Variants in YEATS4 observed in about 807,000 individuals in gnomAD.
YEATS4 encodes YEATS domain-containing protein 4.
YEATS4 carries 17 observed loss-of-function variants against 30.1 expected under a neutral mutation model. The observed-to-expected ratio is 0.56, with a 90% confidence interval of 0.39 to 0.85. YEATS4 has a LOEUF of 0.85. Ranked by LOEUF, YEATS4 falls within the 40% of genes least tolerant of loss-of-function variation. The probability of loss-of-function intolerance (pLI) is 0.00; values close to 1 mark genes in which losing one functional copy is unlikely to be tolerated. For missense variants in YEATS4, 142 were observed against 268.3 expected, an observed-to-expected ratio of 0.53 and a Z score of 3.29; for synonymous variants, 85 against 87.5, an observed-to-expected ratio of 0.97 and a Z score of 0.16.
rs569697049 is a variant in YEATS4 at position 69,375,232 on chromosome 12, G to A, written c.514+4257G>A. Among the ~76,000 whole-genome samples, 15 of 151,764 alleles carry A rather than the reference G, an allele frequency of 9.9e-5. No individual in the cohort carries two copies. The East Asian group carries it at 1.6e-3, about 16-fold the overall frequency. On this transcript the variant is annotated intron_variant, in intron 6 of 6. Transcript: ENST00000247843. ...CTCCTCACCTCCCAGACGGGGTGGC[G>A]GCGGGGCAGAGACACTCCTCAGTTT...
rs970034480 is a variant in YEATS4 at position 69,362,729 on chromosome 12, T to C, written c.52-59T>C. On this transcript the variant is annotated intron_variant, in intron 1 of 6. Coordinates refer to ENST00000247843, the MANE Select transcript of YEATS4 (RefSeq NM_006530.4). Reference sequence around the variant, plus strand: ...TTAAAGCAAGTTTTCAGAGCTCTTATTCTGCATATTTAGCTAATGGTACAA... The same window carrying C: ...TTAAAGCAAGTTTTCAGAGCTCTTACTCTGCATATTTAGCTAATGGTACAA... The C allele has an allele frequency of 4.4e-6, 6 of 1,362,194 alleles. No homozygotes were observed. The African/African-American group carries it at 5.9e-5, about 13-fold the overall frequency. 84.4% of individuals were successfully genotyped at this position (1,362,194 alleles called of 1,614,324 possible). A position where few individuals can be genotyped will look rare whatever the true frequency, so the allele number is the denominator to read the frequency against.
intron 6 of YEATS4, among the ~76,000 whole-genome samples, chr12:69,384,084 TTAGG>T (rs1312383052): frequency 6.6e-6 from 1 of 152,232 alleles, no homozygotes; most frequent in East Asian, 1.9e-4. Context: ...ATTTTGTGAC[TTAGG>T]TAGTCATTGA....
chr12:69,361,775 G>A (rs910635395), intron 1 of YEATS4, among the ~76,000 whole-genome samples: 3 of 152,034 alleles, frequency 2.0e-5, no homozygotes, highest in Non-Finnish European at 2.9e-5. Flanking sequence ...CTGTCAATAC[G>A]CACTGCCTTT....
chr12:69,403,903 CTCTT>C, the YEATS4 span, among the ~76,000 whole-genome samples: 1 of 152,026 alleles, frequency 6.6e-6, no homozygotes, highest in African/African-American at 2.4e-5. Flanking sequence ...AAATTCCTTT[CTCTT>C]TCTTCTCTCT....
chr12:69,400,575 T>C, the YEATS4 span, among the ~76,000 whole-genome samples: 2 of 151,814 alleles, frequency 1.3e-5, no homozygotes, highest in Non-Finnish European at 2.9e-5. Flanking sequence ...TGGCCAGGCA[T>C]GGTGGCTTAC....
At chr12:69,362,725 CTTA>C in intron 1 of YEATS4, 60 bp from the exon 2 acceptor site, 1 of 1,311,726 alleles carries the variant, frequency 7.6e-7, no homozygotes, top group South Asian at 1.7e-5. Flanking sequence ...TTTCAGAGCT[CTTA>C]TTCTGCATAT....
chr12:69,385,256 A>G (rs1876227768), intron 6 of YEATS4, among the ~76,000 whole-genome samples: 1 of 151,254 alleles, frequency 6.6e-6, no homozygotes, highest in Admixed American at 6.6e-5. Flanking sequence ...ATGAATCACC[A>G]TGCCAGCCAG....
downstream of YEATS4, among the ~76,000 whole-genome samples, chr12:69,391,390 A>G (rs187241243): frequency 6.6e-6 from 1 of 152,186 alleles, no homozygotes; most frequent in East Asian, 1.9e-4. Flanking sequence ...TCTCCTCTTT[A>G]GCCTCTTCTG....
chr12:69,403,790 C>T, the YEATS4 span, among the ~76,000 whole-genome samples: 42 of 152,280 alleles, frequency 2.8e-4, no homozygotes, highest in African/African-American at 8.7e-4. Flanking sequence ...CCCAAATTAT[C>T]AGACATCTTC....
At chr12:69,419,014 CAT>C in the YEATS4 span, among the ~76,000 whole-genome samples, 18,450 of 143,254 alleles carry the variant, frequency 0.13, 1,204 homozygotes, top group East Asian at 0.19. Flanking sequence ...TAATTTAAGC[CAT>C]ATATATATAT....
the YEATS4 span, among the ~76,000 whole-genome samples, chr12:69,407,258 A>G: frequency 2.6e-5 from 4 of 151,960 alleles, no homozygotes; most frequent in African/African-American, 9.7e-5. Context: ...TTATCATCAG[A>G]CAGACCTACT....
the YEATS4 span, among the ~76,000 whole-genome samples, chr12:69,416,152 C>T: frequency 6.6e-6 from 1 of 152,140 alleles, no homozygotes; most frequent in Non-Finnish European, 1.5e-5. Flanking sequence ...AACTTCAGTT[C>T]CCTGTGTGTG....
the YEATS4 span, among the ~76,000 whole-genome samples, chr12:69,407,895 T>C: frequency 6.6e-6 from 1 of 152,122 alleles, no homozygotes; most frequent in South Asian, 2.1e-4. Flanking sequence ...TTTGTATTTT[T>C]AGTAGAGACA....
the YEATS4 span, among the ~76,000 whole-genome samples, chr12:69,425,149 C>T: frequency 1.1e-4 from 16 of 152,102 alleles, no homozygotes; most frequent in East Asian, 1.9e-4. Flanking sequence ...TCTCAAACTC[C>T]CAACCTCAGG....
At chr12:69,402,278 A>G in the YEATS4 span, among the ~76,000 whole-genome samples, 2 of 152,178 alleles carry the variant, frequency 1.3e-5, no homozygotes, top group African/African-American at 2.4e-5. Context: ...AAATAAATAC[A>G]TAGCTCACTA....
chr12:69,370,985 A>G lies in YEATS4; in HGVS notation c.514+10A>G, dbSNP rs1875617139. On this transcript the variant is annotated intron_variant, in intron 6 of 6. Transcript: ENST00000247843. Reference sequence around the variant, plus strand: ...AAGCATGAAACAGAATGTAAGTGCCATGCATTCATAATTCTGAAAAATAAC... The same window carrying G: ...AAGCATGAAACAGAATGTAAGTGCCGTGCATTCATAATTCTGAAAAATAAC... The G allele has an allele frequency of 1.9e-6, 3 of 1,602,168 alleles. No homozygotes were observed. The highest frequency in any genetic ancestry group is 1.7e-6 in the Non-Finnish European group (2 of 1,174,820).
intron 6 of YEATS4, among the ~76,000 whole-genome samples, chr12:69,388,561 T>C (rs1592861453): frequency 6.6e-6 from 1 of 152,332 alleles, no homozygotes; most frequent in East Asian, 1.9e-4. Flanking sequence ...ACCAAAAATG[T>C]CCACAAGATG....
At chr12:69,405,002 A>G in the YEATS4 span, among the ~76,000 whole-genome samples, 1 of 152,230 alleles carries the variant, frequency 6.6e-6, no homozygotes, top group African/African-American at 2.4e-5. Context: ...TGATACACAG[A>G]AAGAAGCAGA....
chr12:69,366,884 T>G (rs760747694), intron 4 of YEATS4, among the ~76,000 whole-genome samples: 11 of 152,218 alleles, frequency 7.2e-5, no homozygotes, highest in Non-Finnish European at 1.5e-4. Flanking sequence ...GCTTATTTAT[T>G]TATTAATTTT....
Sources: gnomAD v4.1 joint callset for allele counts (sites outside exome capture counted in the v4.1 genomes callset) on GRCh38, gnomAD v4.1.1 for gene constraint, MANE v1.5 for transcripts, NCBI Gene and HGNC (gene_info 2026-07-23, HGNC 2026-07-21) for gene names.